Variants in SCARA3 observed in about 807,000 individuals in gnomAD.
The protein encoded by SCARA3 is cellular stress response gene protein.
Under a neutral mutation model 47.0 loss-of-function variants are expected in SCARA3, and 39 were observed. That is an observed-to-expected ratio of 0.83 (90% CI 0.64 to 1.08). SCARA3 has a LOEUF of 1.08. Ranked by LOEUF, SCARA3 falls within the 50% of genes least tolerant of loss-of-function variation. SCARA3 has a pLI of 0.00. For missense variants in SCARA3, 724 were observed against 792.3 expected (o/e 0.91, Z 1.04); for synonymous variants, 356 against 334.1 (o/e 1.07, Z -0.71).
chr8:27,726,828 C>A, the SCARA3 span, among the ~76,000 whole-genome samples: 1 of 152,108 alleles, frequency 6.6e-6, no homozygotes, highest in Non-Finnish European at 1.5e-5. Flanking sequence ...CTCTGTCACC[C>A]AGGCTGGAGT....
downstream of SCARA3, among the ~76,000 whole-genome samples, chr8:27,674,529 T>G (rs1802232875): frequency 6.6e-6 from 1 of 152,022 alleles, no homozygotes; most frequent in South Asian, 2.1e-4. Flanking sequence ...AAGTGCTCCT[T>G]CTCCTGCCCT....
At chr8:27,688,470 A>C in the SCARA3 span, among the ~76,000 whole-genome samples, 1 of 151,840 alleles carries the variant, frequency 6.6e-6, no homozygotes, top group South Asian at 2.1e-4. Context: ...CTGAGGTAGG[A>C]GGATCGCTTG....
chr8:27,709,217 C>G, the SCARA3 span, among the ~76,000 whole-genome samples: 1 of 152,208 alleles, frequency 6.6e-6, no homozygotes, highest in Admixed American at 6.5e-5. Flanking sequence ...GATTTAGTGA[C>G]AGTCTTGTTG....
chr8:27,651,294 C>T (rs1801625772), intron 2 of SCARA3, among the ~76,000 whole-genome samples: 1 of 152,232 alleles, frequency 6.6e-6, no homozygotes, highest in South Asian at 2.1e-4. Flanking sequence ...GGGGGCTGTT[C>T]TTTGAAGTCC....
At chr8:27,649,620 G>A (rs1801586637) in intron 1 of SCARA3, 82 bp from the exon 2 acceptor site, 1 of 1,298,902 alleles carries the variant, frequency 7.7e-7, no homozygotes. Flanking sequence ...GGTGGGCATG[G>A]GATATGGGGA....
In SCARA3 at chr8:27,634,179, TG is replaced by T; in HGVS notation, c.-21del. ...CCAGCCGCCTGCAGCGGGGCCCTCC[TG>T]AGGCCCCAGAGGAAGAGACCATGAA... On this transcript the variant is annotated 5_prime_UTR_variant, in exon 1 of 6. Coordinates refer to ENST00000301904, the MANE Select transcript of SCARA3 (RefSeq NM_016240.3). 7.0e-7 allele frequency: 1 copy of T among 1,436,178 alleles called. No homozygotes were observed. Among genetic ancestry groups the T allele is most frequent in the Non-Finnish European group, 9.1e-7 (1 of 1,099,158 alleles). 89.0% of individuals were successfully genotyped at this position (1,436,178 alleles called of 1,614,324 possible).
chr8:27,677,903 G>A (rs1802302798), downstream of SCARA3, among the ~76,000 whole-genome samples: 2 of 152,148 alleles, frequency 1.3e-5, no homozygotes. Flanking sequence ...GATATCTACT[G>A]TCTTCAAATA....
At chr8:27,720,624 C>CCATA in the SCARA3 span, among the ~76,000 whole-genome samples, 1 of 147,868 alleles carries the variant, frequency 6.8e-6, no homozygotes, top group East Asian at 2.0e-4. Context: ...CTATCTCCAT[C>CCATA]CATCCATCCA....
intron 1 of SCARA3, 95 bp downstream of exon 1, chr8:27,634,302 G>A: frequency 8.8e-7 from 1 of 1,139,016 alleles, no homozygotes; most frequent in Non-Finnish European, 1.1e-6. Context: ...AGGCGAGGCT[G>A]AGAGGAGGGC....
rs1462881373 is a variant in SCARA3, at chr8:27,671,138, G to A, written c.1608G>A (p.Gln536=). 1.3e-6 allele frequency: 2 copies of A among 1,568,610 alleles called. No homozygotes were observed. The highest frequency in any genetic ancestry group is 1.7e-6 in the Non-Finnish European group (2 of 1,157,834). ...GSFGTGGPRG[Q]PGPKGDIGPP... is the part of the protein sequence containing the mutation. The stretch of plus-strand genomic sequence containing the variant: ...TTGGAACTGGAGGGCCGAGAGGACA[G>A]CCAGGCCCAAAAGGGGACATAGGGC... The change falls in exon 6 of 6, where the codon CAG becomes CAA. Residue 536 remains glutamine (Q), a synonymous_variant. Coordinates refer to ENST00000301904, the MANE Select transcript of SCARA3 (RefSeq NM_016240.3).
chr8:27,689,134 G>A, the SCARA3 span, among the ~76,000 whole-genome samples: 5 of 152,112 alleles, frequency 3.3e-5, no homozygotes, highest in African/African-American at 1.2e-4. Context: ...GCGGAGTCTG[G>A]GAGGAGTGTG....
intron 1 of SCARA3, among the ~76,000 whole-genome samples, chr8:27,637,802 A>G (rs1011625555): frequency 1.3e-5 from 2 of 152,034 alleles, no homozygotes; most frequent in Non-Finnish European, 2.9e-5. Context: ...ACAGCGATGC[A>G]ATCCCAGGAG....
intron 3 of SCARA3, among the ~76,000 whole-genome samples, chr8:27,653,604 G>T (rs1344638806): frequency 1.0e-5 from 1 of 100,224 alleles, no homozygotes; most frequent in Non-Finnish European, 2.4e-5. Flanking sequence ...TGTGTGTATG[G>T]TGTATGTGTG....
At chr8:27,651,243 G>A (rs1013381607) in intron 2 of SCARA3, among the ~76,000 whole-genome samples, 2 of 152,242 alleles carry the variant, frequency 1.3e-5, no homozygotes, top group Non-Finnish European at 2.9e-5. Flanking sequence ...CTCCCCATGG[G>A]CCGAATGAAG....
the SCARA3 span, among the ~76,000 whole-genome samples, chr8:27,709,593 AC>A: frequency 6.6e-6 from 1 of 152,292 alleles, no homozygotes; most frequent in South Asian, 2.1e-4. Context: ...CTCAGATTCA[AC>A]TGCTCACCCT....
rs1802167609 is a variant in SCARA3 at position 27,671,697 on chromosome 8, GGCACACATGCAT to G, written c.*355_*366del. ...ACACATACACGTGCACACATACACA[GGCACACATGCAT>G]GCACACATACACATGCACACACACA... On this transcript the variant is annotated 3_prime_UTR_variant, in exon 6 of 6. Transcript: ENST00000301904. The G allele has an allele frequency of 9.5e-7, 1 of 1,054,378 alleles. No homozygotes were observed. The highest frequency in any genetic ancestry group is 1.7e-5 in the African/African-American group (1 of 57,816). The allele number at this position is 1,054,378 out of a possible 1,614,324, so 65.3% of individuals were successfully genotyped here. A position where few individuals can be genotyped will look rare whatever the true frequency, so the allele number is the denominator to read the frequency against.
At chr8:27,675,636 A>G (rs1802263888), downstream of SCARA3, among the ~76,000 whole-genome samples, 1 of 152,156 alleles carries the variant, frequency 6.6e-6, no homozygotes, top group Non-Finnish European at 1.5e-5. Context: ...CTGAAAATAC[A>G]AAAATTAACT....
intron 1 of SCARA3, among the ~76,000 whole-genome samples, chr8:27,635,825 A>G (rs1282881128): frequency 6.6e-6 from 1 of 152,034 alleles, no homozygotes; most frequent in Non-Finnish European, 1.5e-5. Context: ...TTCCTTTTAC[A>G]CTGGGCCCCA....
At chr8:27,677,415 C>T (rs569660681), downstream of SCARA3, among the ~76,000 whole-genome samples, 7 of 152,144 alleles carry the variant, frequency 4.6e-5, no homozygotes, top group Non-Finnish European at 1.0e-4. Flanking sequence ...CTGATCAGCT[C>T]GAATCTATGG....
Sources: allele counts gnomAD v4.1 joint callset (sites outside exome capture counted in the v4.1 genomes callset), GRCh38; gene constraint gnomAD v4.1.1; transcripts MANE v1.5; gene names NCBI Gene and HGNC (gene_info 2026-07-23, HGNC 2026-07-21).